SLX9: variants seen among roughly 807,000 people sequenced by gnomAD.
The protein encoded by SLX9 is SLX9 ribosome biogenesis factor.
SLX9 carries 19 observed loss-of-function variants against 20.8 expected under a neutral mutation model. That is an observed-to-expected ratio of 0.91 (90% confidence interval 0.64 to 1.34). The LOEUF is 1.34. Ranked by LOEUF, SLX9 falls within the 40% of genes most tolerant of loss-of-function variation. SLX9 has a pLI of 0.00. For missense variants in SLX9, 299 were observed against 322.2 expected, an observed-to-expected ratio of 0.93 and a Z score of 0.55; for synonymous variants, 113 against 137.1, an observed-to-expected ratio of 0.82 and a Z score of 1.23.
At chr21:44,962,397 C>T (rs1245209015) in intron 3 of SLX9, among the ~76,000 whole-genome samples, 1 of 152,192 alleles carries the variant, frequency 6.6e-6, no homozygotes, top group African/African-American at 2.4e-5. Context: ...CTTTTCTTGC[C>T]TTAGACTCTG....
chr21:44,946,048 C>T (rs1428719706), intron 2 of SLX9, among the ~76,000 whole-genome samples: 1 of 152,196 alleles, frequency 6.6e-6, no homozygotes. Flanking sequence ...CTTTGTTTTT[C>T]GTAAGCTCAA....
chr21:44,940,125 C>A lies in SLX9; in HGVS notation c.68C>A (p.Ala23Asp). 7.3e-7 allele frequency: 1 copy of A among 1,362,646 alleles called. No homozygotes were observed. Among genetic ancestry groups the A allele is most frequent in the South Asian group, 1.8e-5 (1 of 54,514 alleles). The allele number at this position is 1,362,646 out of a possible 1,614,324, so 84.4% of individuals were successfully genotyped here. A position where few individuals can be genotyped will look rare whatever the true frequency, so the allele number is the denominator to read the frequency against. Residue 23 changes from alanine to aspartate, a missense_variant, in exon 1 of 6, where the codon GCC (alanine) becomes GAC (aspartate). Ala to Asp is a moderately radical substitution (Grantham distance 126). Coordinates refer to ENST00000291634, the MANE Select transcript of SLX9 (RefSeq NM_058190.4). ...GCCGTGAGGCCGAAAGGGGAGGCCG[C>A]CCCCGGCCCCGCGCCCCCTGCCCCG... is the stretch of plus-strand genomic sequence containing the variant. ...QAAVRPKGEAAPGPAPPAPEA... is the reference protein window; with the variant it reads ...QAAVRPKGEADPGPAPPAPEA...
At chr21:44,976,389 G>A (rs543307106) in intron 5 of SLX9, among the ~76,000 whole-genome samples, 47 of 152,312 alleles carry the variant, frequency 3.1e-4, no homozygotes, top group African/African-American at 6.3e-4. Flanking sequence ...AGTTGCCGCC[G>A]CGTTTCTCAG....
At chr21:44,939,995 G>A (rs1038583904), upstream of SLX9, 14 of 1,361,686 alleles carry the variant, frequency 1.0e-5, no homozygotes, top group Non-Finnish European at 7.6e-6. Context: ...TCCGCCGGGC[G>A]GCGAGAACGC....
chr21:44,949,773 G>A (rs759878809), intron 2 of SLX9, among the ~76,000 whole-genome samples: 10 of 152,200 alleles, frequency 6.6e-5, no homozygotes, highest in Non-Finnish European at 1.5e-4. Flanking sequence ...CCTGCACCCA[G>A]CCCTTGGGCA....
At chr21:44,944,939 G>A (rs1391448261) in intron 2 of SLX9, among the ~76,000 whole-genome samples, 1 of 152,256 alleles carries the variant, frequency 6.6e-6, no homozygotes, top group African/African-American at 2.4e-5. Context: ...AGATGAGGTA[G>A]TTGGTGTGAA....
chr21:44,941,106 CTT>C (rs1440791864), intron 1 of SLX9, among the ~76,000 whole-genome samples: 1 of 150,408 alleles, frequency 6.6e-6, no homozygotes, highest in Non-Finnish European at 1.5e-5. Flanking sequence ...AAAAAATACT[CTT>C]TACTGATGTT....
At chr21:44,956,874 G>A (rs2084867418) in intron 2 of SLX9, among the ~76,000 whole-genome samples, 1 of 152,224 alleles carries the variant, frequency 6.6e-6, no homozygotes, top group African/African-American at 2.4e-5. Flanking sequence ...CCTCCACTGA[G>A]GCTGGTTTAC....
intron 4 of SLX9, chr21:44,972,943 C>T (rs1469208711): frequency 1.1e-4 from 4 of 37,552 alleles, no homozygotes; most frequent in East Asian, 6.2e-4. Flanking sequence ...CAGCTTGGGG[C>T]CCGCGGTCAC....
At position 44,976,862 on chromosome 21, in the gene SLX9, C is replaced by T. The variant is rs1601432295; in HGVS notation, c.*59C>T. On this transcript the variant is annotated 3_prime_UTR_variant, in exon 6 of 6. Transcript: ENST00000291634. ...CACATGTGGGCCAAGTAGAGAGCGC[C>T]GGCCCCTCAAGGACCATGGCCTGAG... 2.3e-5 allele frequency: 36 copies of T among 1,532,944 alleles called. 1 individual carries two copies. In the South Asian group the frequency reaches 3.6e-4, roughly 15 times the overall value. The allele number at this position is 1,532,944 out of a possible 1,614,324, so 95.0% of individuals were successfully genotyped here.
chr21:44,940,265 G>A (rs2084515760), intron 1 of SLX9, 79 bp downstream of exon 1: 3 of 1,193,602 alleles, frequency 2.5e-6, no homozygotes, highest in East Asian at 7.2e-5. Flanking sequence ...CCTCCGGGAG[G>A]GTTCCGCGAC....
At chr21:44,945,958 C>T (rs563026514) in intron 2 of SLX9, among the ~76,000 whole-genome samples, 2 of 152,244 alleles carry the variant, frequency 1.3e-5, no homozygotes, top group Admixed American at 6.5e-5. Flanking sequence ...TGGTCTCGAT[C>T]TCTTGACCTC....
chr21:44,940,868 A>T (rs1174015947), intron 1 of SLX9, among the ~76,000 whole-genome samples: 1 of 152,074 alleles, frequency 6.6e-6, no homozygotes, highest in East Asian at 1.9e-4. Context: ...TCTTTCGGAT[A>T]CTTCCATTAT....
chr21:44,961,995 G>C (rs1415356085), intron 3 of SLX9, among the ~76,000 whole-genome samples: 2 of 152,152 alleles, frequency 1.3e-5, no homozygotes, highest in East Asian at 3.8e-4. Context: ...GGAATACCCT[G>C]TACCCACCAC....
At chr21:44,976,446 C>G (rs191716587) in intron 5 of SLX9, among the ~76,000 whole-genome samples, 1 of 152,330 alleles carries the variant, frequency 6.6e-6, no homozygotes, top group Admixed American at 6.5e-5. Context: ...CTGGGTGACA[C>G]CTCAACGGCA....
chr21:44,949,297 G>T (rs1022568331), intron 2 of SLX9, among the ~76,000 whole-genome samples: 2 of 152,136 alleles, frequency 1.3e-5, no homozygotes, highest in Non-Finnish European at 2.9e-5. Context: ...TCAGGGAGTG[G>T]ATTGTGGGCC....
At chr21:44,958,042 G>A (rs752115388) in intron 2 of SLX9, among the ~76,000 whole-genome samples, 15 of 152,248 alleles carry the variant, frequency 9.9e-5, no homozygotes, top group Admixed American at 4.6e-4. Flanking sequence ...GCTGGCCGGC[G>A]ATTGTATGAA....
At chr21:44,950,657 G>A (rs191905318) in intron 2 of SLX9, among the ~76,000 whole-genome samples, 1 of 152,374 alleles carries the variant, frequency 6.6e-6, no homozygotes, top group East Asian at 1.9e-4. Context: ...GGCCCTGTTG[G>A]TGGCGCTTCT....
intron 3 of SLX9, among the ~76,000 whole-genome samples, chr21:44,966,710 C>G (rs577010617): frequency 6.6e-6 from 1 of 152,254 alleles, no homozygotes; most frequent in Non-Finnish European, 1.5e-5. Context: ...CCTCTGTCCC[C>G]TCTGCTCGGT....
Sources: gnomAD v4.1 joint callset for allele counts (sites outside exome capture counted in the v4.1 genomes callset) on GRCh38, gnomAD v4.1.1 for gene constraint, MANE v1.5 for transcripts, NCBI Gene and HGNC (gene_info 2026-07-23, HGNC 2026-07-21) for gene names.